Variants in PCDHA6 observed in about 807,000 individuals in gnomAD.
The protein encoded by PCDHA6 is protocadherin alpha-6.
In PCDHA6, 55 loss-of-function variants were observed where a neutral mutation model predicts 60.3. That is an observed-to-expected ratio of 0.91 (90% CI 0.73 to 1.14). PCDHA6 has a LOEUF of 1.14. Ranked by LOEUF, PCDHA6 falls within the 50% of genes most tolerant of loss-of-function variation. The pLI is 0.00. For synonymous variants in PCDHA6, 652 were observed against 557.9 expected, an observed-to-expected ratio of 1.17 and a Z score of -2.38; for missense variants, 1,327 against 1,256.5, an observed-to-expected ratio of 1.06 and a Z score of -0.85.
rs2150459394 is a variant in PCDHA6 at position 140,849,947 on chromosome 5, G to T, written c.2394+19462G>T. On this transcript the variant is annotated intron_variant, in intron 1 of 3. Transcript: ENST00000529310. The stretch of plus-strand genomic sequence containing the variant: ...CGGTGTCTGCGCGGGACGCTGACGC[G>T]CAGGAGAACGCCCTGGTGTCCTACT... 4 of 1,597,722 alleles carry T rather than the reference G, an allele frequency of 2.5e-6. No homozygotes were observed. In the African/African-American group the frequency reaches 4.0e-5, roughly 16 times the overall value.
At chr5:140,939,768 G>A (rs1241071492) in intron 1 of PCDHA6, among the ~76,000 whole-genome samples, 1 of 152,162 alleles carries the variant, frequency 6.6e-6, no homozygotes, top group Non-Finnish European at 1.5e-5. Context: ...TAGTATTTCA[G>A]GGTGTGAATG....
At chr5:140,997,720 G>C (rs973128921) in intron 3 of PCDHA6, among the ~76,000 whole-genome samples, 1 of 151,568 alleles carries the variant, frequency 6.6e-6, no homozygotes, top group African/African-American at 2.4e-5. Flanking sequence ...ACCTTTCTAC[G>C]TCAGTACATA....
rs148598290 is a variant in PCDHA6, at chr5:140,857,464, C to G, written c.2394+26979C>G. 181 of 1,598,526 alleles carry G rather than the reference C, an allele frequency of 1.1e-4. 14 individuals carry two copies. Among genetic ancestry groups the G allele is most frequent in the Non-Finnish European group, 1.1e-4 (129 of 1,167,932 alleles). On this transcript the variant is annotated intron_variant, in intron 1 of 3. Transcript: ENST00000529310. ...AGGAGAACAACCCGCCAGGCTGCCA[C>G]ATCTTCACGGTGTCTGCGTGGGACG...
chr5:140,907,491 C>A (rs1554193021), intron 1 of PCDHA6, among the ~76,000 whole-genome samples: 1 of 152,186 alleles, frequency 6.6e-6, no homozygotes, highest in Non-Finnish European at 1.5e-5. Flanking sequence ...AAACCCATAT[C>A]CAGAGTAAGT....
At chr5:140,867,774 G>A (rs937544863) in intron 1 of PCDHA6, 2 of 151,934 alleles carry the variant, frequency 1.3e-5, no homozygotes, top group African/African-American at 4.8e-5. Flanking sequence ...ACTCTCATAA[G>A]CAATTCCTGT....
At position 141,011,088 on chromosome 5, in the gene PCDHA6, TTCTC is replaced by T. The variant is rs375099849; in HGVS notation, c.*1165_*1168del. Reference sequence around the variant, plus strand: ...TATTACTAAATAAAATGATCTCTCTTTCTCTCTCTCTCTCTCTTTTCTAAGAAAC... The same window carrying T: ...TATTACTAAATAAAATGATCTCTCTTTCTCTCTCTCTCTTTTCTAAGAAAC... On this transcript the variant is annotated 3_prime_UTR_variant, in exon 4 of 4. Coordinates refer to ENST00000529310, the MANE Select transcript of PCDHA6 (RefSeq NM_018909.4). 16 of 152,024 alleles carry T rather than the reference TTCTC, an allele frequency of 1.1e-4. No individual in the cohort carries two copies. Among genetic ancestry groups the T allele is most frequent in the African/African-American group, 2.2e-4 (9 of 41,160 alleles). 9.4% of individuals were successfully genotyped at this position (152,024 alleles called of 1,614,324 possible).
chr5:140,949,537 C>T (rs1359504503), intron 1 of PCDHA6, among the ~76,000 whole-genome samples: 4 of 151,692 alleles, frequency 2.6e-5, no homozygotes, highest in African/African-American at 7.3e-5. Context: ...CATAAAATAT[C>T]GATTTGTTGC....
chr5:140,969,168 C>T (rs1554231530), intron 1 of PCDHA6: 2 of 1,614,088 alleles, frequency 1.2e-6, no homozygotes, highest in Non-Finnish European at 1.7e-6. Flanking sequence ...ACAGCAGGCT[C>T]AGGGAGTGAC....
chr5:140,941,214 C>CTTCTTTCTTTCTTT (rs1554214039), intron 1 of PCDHA6, among the ~76,000 whole-genome samples: 1 of 122,414 alleles, frequency 8.2e-6, no homozygotes. Flanking sequence ...TTTCTTTCTT[C>CTTCTTTCTTTCTTT]CTTTCTTTCT....
rs2042023727 is a variant in PCDHA6, at chr5:140,851,309, G to T, written c.2394+20824G>T. ...ACCCAAGCAAAAATATATAGCAATT[G>T]TTACCTTGTTAAGTTTGTAGTTCTC... On this transcript the variant is annotated intron_variant, in intron 1 of 3. Coordinates refer to ENST00000529310, the MANE Select transcript of PCDHA6 (RefSeq NM_018909.4). 5.0e-6 allele frequency: 5 copies of T among 1,000,390 alleles called. 1 individual carries two copies. Among genetic ancestry groups the T allele is most frequent in the Admixed American group, 5.3e-5 (1 of 18,698 alleles). 62.0% of individuals were successfully genotyped at this position (1,000,390 alleles called of 1,614,324 possible).
At chr5:140,929,010 G>A in intron 1 of PCDHA6, 2 of 1,614,128 alleles carry the variant, frequency 1.2e-6, no homozygotes, top group Non-Finnish European at 1.7e-6. Flanking sequence ...TGTGTACCAA[G>A]TTGCACCAGA....
intron 1 of PCDHA6, chr5:140,847,666 C>T (rs1419197833): frequency 6.7e-6 from 1 of 149,608 alleles, no homozygotes; most frequent in African/African-American, 2.4e-5. Flanking sequence ...GATTATAAAG[C>T]TTGGAAAGAA....
intron 3 of PCDHA6, among the ~76,000 whole-genome samples, chr5:141,000,417 A>ATT (rs1563652061): frequency 3.2e-4 from 25 of 77,724 alleles, no homozygotes; most frequent in African/African-American, 1.1e-3. Context: ...ATATATATAT[A>ATT]TATATTTTTT....
intron 1 of PCDHA6, among the ~76,000 whole-genome samples, chr5:140,837,632 C>CCTTCCTTT (rs562891235): frequency 2.0e-5 from 3 of 151,106 alleles, no homozygotes; most frequent in Non-Finnish European, 4.4e-5. Flanking sequence ...TTCCTTCCTT[C>CCTTCCTTT]CTTTCTTTCT....
intron 3 of PCDHA6, among the ~76,000 whole-genome samples, chr5:140,990,648 A>G (rs2097404919): frequency 2.0e-5 from 3 of 152,220 alleles, no homozygotes; most frequent in Admixed American, 1.3e-4. Flanking sequence ...CTCAGCCAGT[A>G]TGAATGATTT....
intron 1 of PCDHA6, chr5:140,862,344 G>C (rs1303625702): frequency 3.0e-6 from 1 of 333,098 alleles, no homozygotes; most frequent in Non-Finnish European, 5.9e-6. Flanking sequence ...CCTAACTTCA[G>C]TGCCAAGGGA....
chr5:140,887,247 C>T (rs1302931456), intron 1 of PCDHA6, among the ~76,000 whole-genome samples: 1 of 152,016 alleles, frequency 6.6e-6, no homozygotes, highest in Non-Finnish European at 1.5e-5. Context: ...CCGGCGCCCG[C>T]CACCACGCCC....
intron 1 of PCDHA6, chr5:140,968,844 G>A: frequency 1.2e-6 from 2 of 1,614,210 alleles, no homozygotes; most frequent in African/African-American, 1.3e-5. Context: ...GACACTCAGA[G>A]GCATGTTAAG....
rs1383347742 is a variant in PCDHA6, at chr5:140,943,271, AAAAAAAG to A, written c.2395-35674_2395-35668del. ...AGACTCTGTCTCAAAAAAAAAAAAA[AAAAAAAG>A]AAAGAAAGAATTAAATTTTGGGAAG... On this transcript the variant is annotated intron_variant, in intron 1 of 3. Transcript: ENST00000529310. Among the ~76,000 whole-genome samples, 73 of 150,734 alleles carry A rather than the reference AAAAAAAG, an allele frequency of 4.8e-4. 1 individual carries two copies. The highest frequency in any genetic ancestry group is 1.6e-3 in the African/African-American group (65 of 40,848).
Sources: allele counts gnomAD v4.1 joint callset (sites outside exome capture counted in the v4.1 genomes callset), GRCh38; gene constraint gnomAD v4.1.1; transcripts MANE v1.5; gene names NCBI Gene and HGNC (gene_info 2026-07-23, HGNC 2026-07-21).